Variants in MTUS1 observed in about 807,000 individuals in gnomAD.
MTUS1 encodes microtubule-associated tumor suppressor 1.
Under a neutral mutation model 120.8 loss-of-function variants are expected in MTUS1, and 109 were observed. The observed-to-expected ratio is 0.90, with a 90% CI of 0.77 to 1.06. The LOEUF is 1.06. Among genes scored for constraint, MTUS1 ranks in the 50% least tolerant of loss-of-function variants. The pLI, the probability that MTUS1 is intolerant of heterozygous loss-of-function variation, is 0.00. For missense variants in MTUS1, 2,210 were observed against 1,486.3 expected (o/e 1.49, Z -8.01); for synonymous variants, 737 against 550.5 (o/e 1.34, Z -4.74).
intron 2 of MTUS1, among the ~76,000 whole-genome samples, chr8:17,753,368 C>T (rs544514125): frequency 1.6e-4 from 25 of 152,266 alleles, no homozygotes; most frequent in African/African-American, 6.0e-4. Context: ...TTAAAGTTGA[C>T]AACCCAACTT....
rs868625533 is a variant in MTUS1, at chr8:17,645,815, G to A, written c.*111C>T. The A allele has an allele frequency of 1.9e-5, 27 of 1,406,494 alleles. No homozygotes were observed. The highest frequency in any genetic ancestry group is 1.0e-4 in the East Asian group (4 of 39,090). 87.1% of individuals were successfully genotyped at this position (1,406,494 alleles called of 1,614,324 possible). ...GGTGGTGACGCTCCAGTTACCCTACGGTGATCACACGTGTGCTGATATACC... is the reference window on the plus strand; with the variant it reads ...GGTGGTGACGCTCCAGTTACCCTACAGTGATCACACGTGTGCTGATATACC... On this transcript the variant is annotated 3_prime_UTR_variant, in exon 15 of 15. Coordinates refer to ENST00000693296, the MANE Select transcript of MTUS1 (RefSeq NM_001363059.2).
chr8:17,711,050 T>C (rs548201109), intron 6 of MTUS1, among the ~76,000 whole-genome samples: 2 of 152,322 alleles, frequency 1.3e-5, no homozygotes, highest in Admixed American at 1.3e-4. Context: ...ACAAATACGC[T>C]GTCATCCAGG....
chr8:17,741,197 T>C (rs2047295120), intron 3 of MTUS1, among the ~76,000 whole-genome samples: 1 of 152,052 alleles, frequency 6.6e-6, no homozygotes, highest in African/African-American at 2.4e-5. Context: ...CATCTTTTTC[T>C]AAGGGCACCA....
chr8:17,695,532 C>T (rs1817772351), intron 6 of MTUS1, among the ~76,000 whole-genome samples: 1 of 152,172 alleles, frequency 6.6e-6, no homozygotes, highest in Admixed American at 6.5e-5. Context: ...GTGTCCAATA[C>T]ATCACTATCA....
At chr8:17,681,432 G>T (rs182128557) in intron 7 of MTUS1, 2 of 152,748 alleles carry the variant, frequency 1.3e-5, no homozygotes, top group Non-Finnish European at 2.9e-5. Context: ...CTAGACCTAG[G>T]TTTACGTCCT....
chr8:17,674,014 G>A (rs996202829), intron 8 of MTUS1, among the ~76,000 whole-genome samples: 2 of 152,178 alleles, frequency 1.3e-5, no homozygotes, highest in African/African-American at 4.8e-5. Context: ...AAGGAAATAA[G>A]CCCTAGAATG....
intron 7 of MTUS1, among the ~76,000 whole-genome samples, chr8:17,682,757 A>C (rs1249552259): frequency 1.3e-5 from 2 of 152,158 alleles, no homozygotes; most frequent in Admixed American, 1.3e-4. Flanking sequence ...TCTAAACATA[A>C]AAACTAATTG....
chr8:17,715,669 G>C, intron 5 of MTUS1, 98 bp downstream of exon 5: 1 of 1,205,838 alleles, frequency 8.3e-7, no homozygotes, highest in Non-Finnish European at 1.2e-6. Flanking sequence ...AATCATTGTT[G>C]ACTATACCAT....
At chr8:17,724,169 T>TA (rs140529573) in intron 3 of MTUS1, 7,376 of 465,454 alleles carry the variant, frequency 0.016, 478 homozygotes, top group African/African-American at 0.13. Context: ...AAAACTGAAA[T>TA]AAAAAAATAA....
intron 12 of MTUS1, among the ~76,000 whole-genome samples, chr8:17,652,646 G>A (rs956121557): frequency 7.9e-5 from 12 of 151,830 alleles, no homozygotes; most frequent in Non-Finnish European, 1.8e-4. Flanking sequence ...ACTTTTCCTG[G>A]GCAACATGGT....
rs182937751 is a variant in MTUS1 at position 17,753,768 on chromosome 8, C to G, written c.2040G>C (p.Glu680Asp). 11 of 1,612,944 alleles carry G rather than the reference C, an allele frequency of 6.8e-6. No homozygotes were observed. Among genetic ancestry groups the G allele is most frequent in the Non-Finnish European group, 9.3e-6 (11 of 1,179,778 alleles). ...KENGTSMEKQELKQEIMNETF... is the reference protein window; with the variant it reads ...KENGTSMEKQDLKQEIMNETF... The stretch of plus-strand genomic sequence containing the variant: ...TCTCATTCATAATCTCTTGTTTCAG[C>G]TCTTGTTTTTCCATAGATGTCCCAT... The change falls in exon 2 of 15, where the codon GAG (glutamate) becomes GAC (aspartate). Residue 680 changes from glutamate (E) to aspartate (D), a missense_variant. Coordinates refer to ENST00000693296, the MANE Select transcript of MTUS1 (RefSeq NM_001363059.2).
intron 1 of MTUS1, among the ~76,000 whole-genome samples, chr8:17,796,469 A>G (rs1170212603): frequency 6.6e-6 from 1 of 152,158 alleles, no homozygotes; most frequent in East Asian, 1.9e-4. Context: ...CCTTGTTCAC[A>G]CTCTAAACTT....
At chr8:17,648,765 G>A (rs1017827943) in intron 13 of MTUS1, among the ~76,000 whole-genome samples, 1 of 152,222 alleles carries the variant, frequency 6.6e-6, no homozygotes, top group African/African-American at 2.4e-5. Flanking sequence ...GTCCAGGGCT[G>A]GTTTGGGTTT....
At chr8:17,787,767 A>G (rs2051426248) in intron 1 of MTUS1, among the ~76,000 whole-genome samples, 1 of 152,274 alleles carries the variant, frequency 6.6e-6, no homozygotes. Flanking sequence ...TTGTAAAACA[A>G]GCCTTATTAT....
intron 1 of MTUS1, among the ~76,000 whole-genome samples, chr8:17,789,795 G>A (rs1222299126): frequency 6.6e-6 from 1 of 152,110 alleles, no homozygotes; most frequent in East Asian, 1.9e-4. Flanking sequence ...TCCAACCAGG[G>A]CCTATTTATA....
At chr8:17,678,255 C>T (rs1157817892) in intron 7 of MTUS1, among the ~76,000 whole-genome samples, 2 of 152,130 alleles carry the variant, frequency 1.3e-5, no homozygotes, top group African/African-American at 4.8e-5. Context: ...TTTTACTCAG[C>T]TGCTCCTAGA....
At chr8:17,730,342 G>A (rs1248955765) in intron 3 of MTUS1, among the ~76,000 whole-genome samples, 1 of 152,096 alleles carries the variant, frequency 6.6e-6, no homozygotes, top group Non-Finnish European at 1.5e-5. Context: ...AACATTATCT[G>A]GGCATGGTGG....
chr8:17,791,866 A>T (rs1052186043), intron 1 of MTUS1, among the ~76,000 whole-genome samples: 1 of 152,216 alleles, frequency 6.6e-6, no homozygotes, highest in Non-Finnish European at 1.5e-5. Context: ...ACTAGAGACT[A>T]AGGAAGGTTA....
intron 1 of MTUS1, among the ~76,000 whole-genome samples, chr8:17,777,354 G>T (rs1426262891): frequency 6.6e-6 from 1 of 151,600 alleles, no homozygotes; most frequent in African/African-American, 2.4e-5. Flanking sequence ...CAAGAGAATC[G>T]CTTGAACCCA....
Sources: allele counts gnomAD v4.1 joint callset (sites outside exome capture counted in the v4.1 genomes callset), GRCh38; gene constraint gnomAD v4.1.1; transcripts MANE v1.5; gene names NCBI Gene and HGNC (gene_info 2026-07-23, HGNC 2026-07-21).